Variants in CSMD1 observed in about 807,000 individuals in gnomAD.
The protein encoded by CSMD1 is CUB and Sushi multiple domains 1.
CSMD1 carries 213 observed loss-of-function variants against 417.5 expected under a neutral mutation model. The observed-to-expected ratio is 0.51, with a 90% confidence interval of 0.46 to 0.57. The LOEUF is 0.57. Among genes scored for constraint, CSMD1 ranks in the 20% least tolerant of loss-of-function variants. CSMD1 has a pLI of 0.00. For synonymous variants in CSMD1, 2,862 were observed against 1,736.8 expected (o/e 1.65, Z -16.11); for missense variants, 6,923 against 4,529.7 (o/e 1.53, Z -15.17).
chr8:3,512,682 C>G (rs1382967739), intron 10 of CSMD1, among the ~76,000 whole-genome samples: 1 of 150,918 alleles, frequency 6.6e-6, no homozygotes, highest in Non-Finnish European at 1.5e-5. Context: ...GATCTGGGCT[C>G]CCTGCAACCT....
chr8:4,378,392 G>A (rs145878169), intron 3 of CSMD1, among the ~76,000 whole-genome samples: 189 of 152,302 alleles, frequency 1.2e-3, no homozygotes, highest in African/African-American at 4.3e-3. Flanking sequence ...TCGTTTGCAC[G>A]CAAGTTGGCT....
intron 3 of CSMD1, among the ~76,000 whole-genome samples, chr8:4,349,967 A>G (rs536633223): frequency 7.2e-5 from 11 of 152,112 alleles, no homozygotes; most frequent in Non-Finnish European, 1.5e-4. Context: ...TATGCTGTAG[A>G]CTTAAGGGAT....
At chr8:3,534,025 T>G (rs908280040) in intron 10 of CSMD1, among the ~76,000 whole-genome samples, 3 of 152,202 alleles carry the variant, frequency 2.0e-5, no homozygotes, top group Non-Finnish European at 4.4e-5. Flanking sequence ...AGAAGAATAT[T>G]CTATGAATAA....
chr8:3,864,604 G>T (rs940360728), intron 5 of CSMD1, among the ~76,000 whole-genome samples: 1 of 152,110 alleles, frequency 6.6e-6, no homozygotes, highest in Non-Finnish European at 1.5e-5. Flanking sequence ...ATCTCCTAGT[G>T]TTATCCCTCC....
Position 4,279,118 on chromosome 8 carries a change from A to G in CSMD1, c.415+140835T>C, listed in dbSNP as rs146641046. Reference sequence around the variant, plus strand: ...TTTAAAAAACACCAACCGTATTAGCAAACTTCTGAGCATCTCCGTTTAGAC... The same window carrying G: ...TTTAAAAAACACCAACCGTATTAGCGAACTTCTGAGCATCTCCGTTTAGAC... On this transcript the variant is annotated intron_variant, in intron 3 of 69. Transcript: ENST00000635120. Among the ~76,000 whole-genome samples the G allele has an allele frequency of 4.4e-3, 672 of 152,274 alleles. 1 individual carries two copies. Among genetic ancestry groups the G allele is most frequent in the Non-Finnish European group, 5.3e-3 (363 of 68,020 alleles).
chr8:3,607,123 G>C (rs1326706746), intron 8 of CSMD1, among the ~76,000 whole-genome samples: 16 of 152,100 alleles, frequency 1.1e-4, no homozygotes, highest in Non-Finnish European at 1.5e-5. Context: ...TATTTCACAA[G>C]CTTTTTTCTA....
chr8:3,997,938 G>T lies in CSMD1; in HGVS notation c.783C>A (p.Phe261Leu), dbSNP rs988984322. The T allele has an allele frequency of 1.2e-6, 2 of 1,612,338 alleles. No homozygotes were observed. Among genetic ancestry groups the T allele is most frequent in the Non-Finnish European group, 1.7e-6 (2 of 1,179,282 alleles). Residue 261 changes from phenylalanine to leucine, a missense_variant, in exon 5 of 70, where the codon TTC becomes TTA. Physicochemically the swap from Phe to Leu is conservative, Grantham distance 22. Coordinates refer to ENST00000635120, the MANE Select transcript of CSMD1 (RefSeq NM_033225.6). ...GAGCTTCCGTGCCACTGATCTCTAA[G>T]AAATCATATCCTTCTTCTAGCTGAA... The part of the protein sequence containing the change: ...TDFQLEEGYD[F>L]LEISGTEAPS...
intron 1 of CSMD1, among the ~76,000 whole-genome samples, chr8:4,837,581 G>C (rs1042591877): frequency 2.6e-5 from 4 of 152,106 alleles, no homozygotes; most frequent in African/African-American, 9.7e-5. Flanking sequence ...CATGAACATA[G>C]AGAATACAAG....
At chr8:3,595,882 A>G (rs1306971216) in intron 8 of CSMD1, among the ~76,000 whole-genome samples, 2 of 152,222 alleles carry the variant, frequency 1.3e-5, no homozygotes, top group African/African-American at 2.4e-5. Flanking sequence ...GTTTGGATGC[A>G]GCCAGGACTG....
At chr8:3,833,497 C>T (rs867195907) in intron 5 of CSMD1, among the ~76,000 whole-genome samples, 5 of 152,036 alleles carry the variant, frequency 3.3e-5, no homozygotes, top group Admixed American at 6.6e-5. Flanking sequence ...TAACAAAGCC[C>T]TTTCCTCATT....
chr8:3,214,305 A>G (rs754268949), intron 30 of CSMD1, among the ~76,000 whole-genome samples, 192 bp downstream of exon 30: 4 of 152,182 alleles, frequency 2.6e-5, no homozygotes, highest in Admixed American at 2.6e-4. Context: ...CCAGAAACCT[A>G]TGAGAATGGC....
chr8:3,610,319 G>C (rs752991807), intron 8 of CSMD1, among the ~76,000 whole-genome samples: 1 of 152,114 alleles, frequency 6.6e-6, no homozygotes, highest in Non-Finnish European at 1.5e-5. Context: ...GACTGCTTGA[G>C]GCCAGGAGTT....
intron 5 of CSMD1, among the ~76,000 whole-genome samples, chr8:3,886,561 T>C (rs748150419): frequency 8.5e-5 from 13 of 152,212 alleles, no homozygotes; most frequent in Admixed American, 8.5e-4. Context: ...TGACGAAGCG[T>C]GGCTGTGTTG....
In CSMD1 at chr8:2,999,977, T is replaced by A; in HGVS notation, c.8184A>T (p.Gly2728=). The part of the protein sequence containing the change: ...RICLQDHKWS[G]QTPVCVPITC... Reference sequence around the variant, plus strand: ...ACTTACGGACACAGACAGGCGTTTGTCCAGACCACTTGTGGTCTTGCAGGC... The same window carrying A: ...ACTTACGGACACAGACAGGCGTTTGACCAGACCACTTGTGGTCTTGCAGGC... The change falls in exon 53 of 70, where the codon GGA becomes GGT. Residue 2728 remains glycine (G), a synonymous_variant. Coordinates refer to ENST00000635120, the MANE Select transcript of CSMD1 (RefSeq NM_033225.6). The A allele has an allele frequency of 6.2e-7, 1 of 1,609,958 alleles. No individual in the cohort carries two copies. Among genetic ancestry groups the A allele is most frequent in the East Asian group, 2.2e-5 (1 of 44,648 alleles).
chr8:3,341,209 A>G (rs748059091), intron 23 of CSMD1, among the ~76,000 whole-genome samples: 1 of 152,132 alleles, frequency 6.6e-6, no homozygotes, highest in Non-Finnish European at 1.5e-5. Flanking sequence ...GTGGACATCA[A>G]CATGGAACAA....
intron 3 of CSMD1, among the ~76,000 whole-genome samples, chr8:4,349,241 G>C (rs565414156): frequency 5.3e-5 from 8 of 152,256 alleles, no homozygotes; most frequent in African/African-American, 1.9e-4. Flanking sequence ...TAATTGTCTT[G>C]TGGTATTTGG....
intron 25 of CSMD1, among the ~76,000 whole-genome samples, chr8:3,294,904 T>C (rs1803850527): frequency 6.6e-6 from 1 of 152,110 alleles, no homozygotes; most frequent in African/African-American, 2.4e-5. Flanking sequence ...ATCGCCCGTC[T>C]TCTGCGTCAT....
intron 1 of CSMD1, chr8:4,788,487 T>C: frequency 7.5e-7 from 1 of 1,332,618 alleles, no homozygotes; most frequent in South Asian, 1.2e-5. Context: ...ATATTTGGGG[T>C]AGACAACCAT....
chr8:3,133,343 C>A (rs530838801), intron 41 of CSMD1, among the ~76,000 whole-genome samples: 1 of 152,224 alleles, frequency 6.6e-6, no homozygotes, highest in Admixed American at 6.5e-5. Flanking sequence ...GGGATGCCGG[C>A]TGACCTGAGG....
Sources: allele counts gnomAD v4.1 joint callset (sites outside exome capture counted in the v4.1 genomes callset), GRCh38; gene constraint gnomAD v4.1.1; transcripts MANE v1.5; gene names NCBI Gene and HGNC (gene_info 2026-07-23, HGNC 2026-07-21).